The following GRIN2A variants were observed in gnomAD, a reference collection of about 807,000 sequenced individuals.
GRIN2A encodes glutamate ionotropic receptor NMDA type subunit 2A.
Under a neutral mutation model 113.4 loss-of-function variants are expected in GRIN2A, and 22 were observed. The ratio of observed to expected loss-of-function variants is 0.19; its 90% CI spans 0.14 to 0.28. The LOEUF (loss-of-function observed/expected upper bound fraction) is 0.28. GRIN2A is among the 10% of genes least tolerant of loss of function. The probability of loss-of-function intolerance (pLI) is 1.00; values close to 1 mark genes in which losing one functional copy is unlikely to be tolerated. For missense variants in GRIN2A, 1,502 were observed against 1,887.0 expected (o/e 0.80, Z 3.78); for synonymous variants, 827 against 738.4 (o/e 1.12, Z -1.94).
chr16:10,037,223 G>A (rs1218043946), intron 2 of GRIN2A: 1 of 151,514 alleles, frequency 6.6e-6, no homozygotes, highest in Non-Finnish European at 1.5e-5. Context: ...CGGCAGCCAT[G>A]CAAAACTCTA....
intron 4 of GRIN2A, 63 bp from the exon 5 acceptor site, chr16:9,850,024 A>G: frequency 7.3e-7 from 1 of 1,376,146 alleles, no homozygotes. Flanking sequence ...GGAGAGGCAA[A>G]TCCTTTCCCT....
chr16:9,763,185 C>A lies in GRIN2A; in HGVS notation c.4359G>T (p.Val1453=). ...ATTCGATACTAGGCATTTTCTTGTA[C>A]ACGCGTCTATTGCTGCAGGAATTTA... The part of the protein sequence containing the change: ...RVLNSCSNRR[V]YKKMPSIESD... The change falls in exon 13 of 13, where the codon GTG becomes GTT. Residue 1453 remains valine, a synonymous_variant. Coordinates refer to ENST00000330684, the MANE Select transcript of GRIN2A (RefSeq NM_001134407.3). 2 of 1,613,908 alleles carry A rather than the reference C, an allele frequency of 1.2e-6. No individual in the cohort carries two copies. Among genetic ancestry groups the A allele is most frequent in the Non-Finnish European group, 8.5e-7 (1 of 1,179,782 alleles).
intron 2 of GRIN2A, among the ~76,000 whole-genome samples, chr16:10,020,541 T>G (rs1022978853): frequency 6.6e-6 from 1 of 152,172 alleles, no homozygotes; most frequent in Non-Finnish European, 1.5e-5. Context: ...GTGTGTGCAA[T>G]AAATATAGAA....
intron 2 of GRIN2A, among the ~76,000 whole-genome samples, chr16:10,070,617 G>A (rs768861800): frequency 3.9e-5 from 6 of 152,124 alleles, no homozygotes; most frequent in Non-Finnish European, 8.8e-5. Context: ...TATTTATAAG[G>A]TTTCCCTTCG....
In GRIN2A at chr16:9,759,893, G is replaced by C; in HGVS notation, c.*3256C>G. 4.3e-6 allele frequency: 1 copy of C among 230,486 alleles called. No homozygotes were observed. The highest frequency in any genetic ancestry group is 8.6e-6 in the Non-Finnish European group (1 of 116,408). 14.3% of individuals were successfully genotyped at this position (230,486 alleles called of 1,614,324 possible). A position where few individuals can be genotyped will look rare whatever the true frequency, so the allele number is the denominator to read the frequency against. On this transcript the variant is annotated 3_prime_UTR_variant, in exon 13 of 13. Transcript: ENST00000330684. ...TTCCAGAAGCACAAAGGTTTCTCAA[G>C]TACAGTTTATGCTCTAGAAGACTCT...
In GRIN2A at chr16:9,762,096, A is replaced by G. The variant is rs1596372761; in HGVS notation, c.*1053T>C. The G allele has an allele frequency of 9.6e-6, 2 of 207,850 alleles. No homozygotes were observed. The highest frequency in any genetic ancestry group is 1.2e-4 in the Admixed American group (2 of 16,856). The allele number at this position is 207,850 out of a possible 1,614,324, so 12.9% of individuals were successfully genotyped here. On this transcript the variant is annotated 3_prime_UTR_variant, in exon 13 of 13. Transcript: ENST00000330684. The stretch of plus-strand genomic sequence containing the variant: ...CATTGTACTTCTTACAGATCACAGT[A>G]CACATACGGCTGTTGGTGCATGTCA...
intron 4 of GRIN2A, among the ~76,000 whole-genome samples, chr16:9,852,760 C>T (rs902192060): frequency 4.6e-5 from 7 of 152,166 alleles, no homozygotes; most frequent in Non-Finnish European, 2.9e-5. Context: ...TAAAGGAGAA[C>T]AGACATTCTT....
chr16:10,138,170 T>C (rs2049241954), intron 2 of GRIN2A, among the ~76,000 whole-genome samples: 1 of 152,200 alleles, frequency 6.6e-6, no homozygotes, highest in Non-Finnish European at 1.5e-5. Context: ...GCTGTTTCCA[T>C]CAAGCCTAAA....
chr16:9,939,576 T>C lies in GRIN2A; in HGVS notation c.415-1025A>G, dbSNP rs925979052. ...AGGTGATGCATACAGTGGTACAATATACAAACTGCCTTCATACCCCCTAAC... is the reference window on the plus strand; with the variant it reads ...AGGTGATGCATACAGTGGTACAATACACAAACTGCCTTCATACCCCCTAAC... On this transcript the variant is annotated intron_variant, in intron 2 of 12. Transcript: ENST00000330684. 5.3e-5 allele frequency among the ~76,000 whole-genome samples: 8 copies of C among 152,260 alleles called. No individual in the cohort carries two copies. The East Asian group carries it at 9.7e-4, about 18-fold the overall frequency.
chr16:9,974,446 G>A (rs1296779838), intron 2 of GRIN2A, among the ~76,000 whole-genome samples: 1 of 152,138 alleles, frequency 6.6e-6, no homozygotes, highest in East Asian at 1.9e-4. Flanking sequence ...GCAGCCCCCA[G>A]TCACATACTC....
chr16:9,892,933 G>GA (rs57666918), intron 3 of GRIN2A, among the ~76,000 whole-genome samples: 4,383 of 96,540 alleles, frequency 0.045, 89 homozygotes, highest in South Asian at 0.083. Context: ...GCTAAAAAGT[G>GA]AAAAAAAAAA....
chr16:10,132,196 G>A (rs772067221), intron 2 of GRIN2A, among the ~76,000 whole-genome samples: 3 of 151,978 alleles, frequency 2.0e-5, no homozygotes, highest in Non-Finnish European at 4.4e-5. Context: ...GCCGGGCGTG[G>A]TGGTGCATGC....
intron 2 of GRIN2A, among the ~76,000 whole-genome samples, chr16:10,058,934 G>A (rs1263517081): frequency 6.6e-6 from 1 of 152,218 alleles, no homozygotes; most frequent in East Asian, 1.9e-4. Flanking sequence ...ACAATAGATT[G>A]TGAAAAAGAA....
chr16:10,041,030 C>A (rs1233594518), intron 2 of GRIN2A, among the ~76,000 whole-genome samples: 2 of 152,258 alleles, frequency 1.3e-5, no homozygotes, highest in African/African-American at 2.4e-5. Context: ...GGTTAAGGCA[C>A]CCCCTCACCT....
At chr16:9,790,218 C>T (rs188370924) in intron 11 of GRIN2A, among the ~76,000 whole-genome samples, 4 of 152,304 alleles carry the variant, frequency 2.6e-5, no homozygotes, top group Admixed American at 2.6e-4. Flanking sequence ...ACTTCTACTG[C>T]AGAGGTCAAG....
intron 2 of GRIN2A, among the ~76,000 whole-genome samples, chr16:10,070,980 T>G (rs1034076798): frequency 7.9e-5 from 12 of 152,190 alleles, no homozygotes; most frequent in Non-Finnish European, 1.5e-4. Context: ...TGGAGTGCCT[T>G]GGTCACCTGA....
At chr16:10,176,251 C>T (rs868619615) in intron 2 of GRIN2A, among the ~76,000 whole-genome samples, 1 of 152,056 alleles carries the variant, frequency 6.6e-6, no homozygotes, top group South Asian at 2.1e-4. Context: ...GTGATCCACC[C>T]GCCTTGGCCT....
rs532047801 is a variant in GRIN2A at position 9,927,448 on chromosome 16, A to C, written c.1007+10511T>G. On this transcript the variant is annotated intron_variant, in intron 3 of 12. Coordinates refer to ENST00000330684, the MANE Select transcript of GRIN2A (RefSeq NM_001134407.3). Reference sequence around the variant, plus strand: ...TAACGAGGAAGTCAGTTAGAGAAAAAAAATCACACTGCCCAAAAAGCAGAG... The same window carrying C: ...TAACGAGGAAGTCAGTTAGAGAAAACAAATCACACTGCCCAAAAAGCAGAG... 2.0e-5 allele frequency among the ~76,000 whole-genome samples: 3 copies of C among 152,344 alleles called. No homozygotes were observed. In the East Asian group the frequency reaches 5.8e-4, roughly 29 times the overall value.
At chr16:10,039,106 C>T (rs12448791) in intron 2 of GRIN2A, among the ~76,000 whole-genome samples, 32,703 of 151,842 alleles carry the variant, frequency 0.22, 4,223 homozygotes, top group East Asian at 0.52. Context: ...AGTGCCCGCC[C>T]GGCAGGGAGC....
Sources: allele counts gnomAD v4.1 joint callset (sites outside exome capture counted in the v4.1 genomes callset), GRCh38; gene constraint gnomAD v4.1.1; transcripts MANE v1.5; gene names NCBI Gene and HGNC (gene_info 2026-07-23, HGNC 2026-07-21).